Variants in USP32 observed in about 807,000 individuals in gnomAD.
The protein encoded by USP32 is ubiquitin carboxyl-terminal hydrolase 32.
Under a neutral mutation model 204.8 loss-of-function variants are expected in USP32, and 59 were observed. That is an observed-to-expected ratio of 0.29 (90% CI 0.23 to 0.36). USP32 has a LOEUF of 0.36. Among genes scored for constraint, USP32 ranks in the 10% least tolerant of loss-of-function variants. The pLI, the probability that USP32 is intolerant of heterozygous loss-of-function variation, is 1.00. For missense variants in USP32, 1,160 were observed against 1,946.4 expected (o/e 0.60, Z 7.60); for synonymous variants, 517 against 678.4 (o/e 0.76, Z 3.70).
Position 60,318,362 on chromosome 17 carries a change from A to G in USP32, c.187-16658T>C, listed in dbSNP as rs369657269. Among the ~76,000 whole-genome samples the G allele has an allele frequency of 2.6e-5, 4 of 152,196 alleles. No homozygotes were observed. In the East Asian group the frequency reaches 7.7e-4, roughly 29 times the overall value. Reference sequence around the variant, plus strand: ...TGAATGGTAGTGATTAAAGAATTATATATTCTCCTGTTCACTAATCTAATT... The same window carrying G: ...TGAATGGTAGTGATTAAAGAATTATGTATTCTCCTGTTCACTAATCTAATT... On this transcript the variant is annotated intron_variant, in intron 2 of 33. Transcript: ENST00000300896.
At chr17:60,384,204 C>A (rs375915467) in intron 1 of USP32, among the ~76,000 whole-genome samples, 1 of 152,288 alleles carries the variant, frequency 6.6e-6, no homozygotes, top group African/African-American at 2.4e-5. Context: ...CTAGTGGAGG[C>A]CTATCTTGTT....
upstream of USP32, among the ~76,000 whole-genome samples, chr17:60,395,151 T>G (rs2089892211): frequency 6.6e-6 from 1 of 152,198 alleles, no homozygotes; most frequent in African/African-American, 2.4e-5. Flanking sequence ...GTGGTTCTCC[T>G]TTGACTGAAA....
rs2627868 is a variant in USP32 at position 60,211,737 on chromosome 17, C to A, written c.2180-223G>T. Among the ~76,000 whole-genome samples the A allele has an allele frequency of 6.9e-3, 1,045 of 152,020 alleles. 14 individuals are homozygous for A. The highest frequency in any genetic ancestry group is 0.023 in the African/African-American group (949 of 41,406). ...TTGTAACCCAGAAGCAGCAATTATT[C>A]TTTTTAATTGCTATGATTTTTCAAA... is the stretch of plus-strand genomic sequence containing the variant. On this transcript the variant is annotated intron_variant, in intron 19 of 33. Transcript: ENST00000300896.
Position 60,223,581 on chromosome 17 carries a change from G to A in USP32, c.1438C>T (p.Leu480=), listed in dbSNP as rs1367112758. 1.9e-6 allele frequency: 3 copies of A among 1,581,312 alleles called. No homozygotes were observed. The highest frequency in any genetic ancestry group is 2.2e-5 in the East Asian group (1 of 44,542). Residue 480 remains leucine, a synonymous_variant, in exon 14 of 34, where the codon CTG becomes TTG. Transcript: ENST00000300896. ...TCTGCCCCTGGTGTGGCAGAATACA[G>A]AAAGCCTATAAAAAAAAAAGAGGAT... The part of the protein sequence containing the change: ...EASETAGSGF[L]YSATPGADVC...
intron 1 of USP32, among the ~76,000 whole-genome samples, chr17:60,377,574 A>G (rs937707908): frequency 1.2e-4 from 18 of 152,206 alleles, no homozygotes; most frequent in African/African-American, 4.1e-4. Context: ...GTCTGTGTAC[A>G]TGCTTACAAT....
At chr17:60,205,139 A>G (rs2084791064) in intron 26 of USP32, among the ~76,000 whole-genome samples, 1 of 152,208 alleles carries the variant, frequency 6.6e-6, no homozygotes, top group African/African-American at 2.4e-5. Context: ...TGCACTGACT[A>G]TCCTGTTGCC....
chr17:60,406,947 C>A (rs2089980678), intron 1 of USP32, among the ~76,000 whole-genome samples: 1 of 152,112 alleles, frequency 6.6e-6, no homozygotes, highest in Non-Finnish European at 1.5e-5. Context: ...TTAAAAGGGA[C>A]CAGATTAACC....
chr17:60,349,624 T>TATTA (rs1491225872), intron 1 of USP32, among the ~76,000 whole-genome samples: 18 of 60,254 alleles, frequency 3.0e-4, no homozygotes, highest in African/African-American at 6.0e-4. Flanking sequence ...TATATATATA[T>TATTA]TATATATATA....
intron 2 of USP32, 43 bp downstream of exon 2, chr17:60,345,438 G>C (rs371976160): frequency 1.2e-6 from 2 of 1,605,830 alleles, no homozygotes; most frequent in Non-Finnish European, 1.7e-6. Flanking sequence ...GCTGGTGGAG[G>C]TGGATAACTA....
chr17:60,349,862 C>A (rs996585925), intron 1 of USP32, among the ~76,000 whole-genome samples: 1 of 150,562 alleles, frequency 6.6e-6, no homozygotes, highest in East Asian at 1.9e-4. Flanking sequence ...AATGTTCCTA[C>A]AGATCCATAT....
At chr17:60,324,145 A>G (rs1173765149) in intron 2 of USP32, among the ~76,000 whole-genome samples, 1 of 152,026 alleles carries the variant, frequency 6.6e-6, no homozygotes, top group South Asian at 2.1e-4. Context: ...TTAGCTGGGC[A>G]TGGTGGTGCA....
At chr17:60,200,541 C>G in intron 26 of USP32, among the ~76,000 whole-genome samples, 1 of 146,528 alleles carries the variant, frequency 6.8e-6, no homozygotes, top group African/African-American at 2.5e-5. Flanking sequence ...GCCTGGGCAA[C>G]AAGAGTGAAA....
chr17:60,271,072 C>T (rs1055166257), intron 6 of USP32, among the ~76,000 whole-genome samples: 12 of 152,156 alleles, frequency 7.9e-5, no homozygotes, highest in Non-Finnish European at 1.8e-4. Context: ...ATGCACCTTA[C>T]TGGAACACAG....
At chr17:60,326,111 ACT>A (rs2088228577) in intron 2 of USP32, among the ~76,000 whole-genome samples, 1 of 151,976 alleles carries the variant, frequency 6.6e-6, no homozygotes, top group South Asian at 2.1e-4. Flanking sequence ...GTTTTCACTA[ACT>A]CTTTTTTTAT....
chr17:60,387,332 T>C (rs2089748928), intron 1 of USP32, among the ~76,000 whole-genome samples: 1 of 152,190 alleles, frequency 6.6e-6, no homozygotes, highest in Non-Finnish European at 1.5e-5. Context: ...ACATGCTTAA[T>C]TATTCCACTA....
intron 3 of USP32, among the ~76,000 whole-genome samples, chr17:60,297,845 C>T (rs1262820720): frequency 6.6e-6 from 1 of 152,162 alleles, no homozygotes; most frequent in Admixed American, 6.6e-5. Context: ...AAAACAGTTG[C>T]AGCTCATTCA....
At chr17:60,347,899 G>A (rs2088828591) in intron 1 of USP32, among the ~76,000 whole-genome samples, 1 of 151,430 alleles carries the variant, frequency 6.6e-6, no homozygotes, top group African/African-American at 2.4e-5. Flanking sequence ...GAGGCGGGCG[G>A]ATCACGAGGT....
intron 32 of USP32, 110 bp downstream of exon 32, chr17:60,181,214 C>A: frequency 7.2e-7 from 1 of 1,391,304 alleles, no homozygotes; most frequent in Non-Finnish European, 9.8e-7. Flanking sequence ...TCACTAAGCT[C>A]AATGCTAGGA....
In USP32 at chr17:60,302,051, G is replaced by T. The variant is rs549841199; in HGVS notation, c.187-347C>A. ...TTATAAAATCTGATTTGCACTAGATGATTTTGCCCAACTGAAGGCTAATGT... is the reference window on the plus strand; with the variant it reads ...TTATAAAATCTGATTTGCACTAGATTATTTTGCCCAACTGAAGGCTAATGT... On this transcript the variant is annotated intron_variant, in intron 2 of 33. Coordinates refer to ENST00000300896, the MANE Select transcript of USP32 (RefSeq NM_032582.4). 3.9e-5 allele frequency among the ~76,000 whole-genome samples: 6 copies of T among 152,266 alleles called. No individual in the cohort carries two copies. The South Asian group carries it at 1.2e-3, about 32-fold the overall frequency.
Sources: gnomAD v4.1 joint callset for allele counts (sites outside exome capture counted in the v4.1 genomes callset) on GRCh38, gnomAD v4.1.1 for gene constraint, MANE v1.5 for transcripts, NCBI Gene and HGNC (gene_info 2026-07-23, HGNC 2026-07-21) for gene names.